Variants in NCAM2 observed in about 807,000 individuals in gnomAD.
The protein encoded by NCAM2 is N-CAM-2.
In NCAM2, 30 loss-of-function variants were observed where a neutral mutation model predicts 98.1. The observed-to-expected ratio is 0.31, with a 90% CI of 0.23 to 0.41. NCAM2 has a LOEUF of 0.41. Among genes scored for constraint, NCAM2 ranks in the 10% least tolerant of loss-of-function variants. The probability of loss-of-function intolerance (pLI) is 1.00; values close to 1 mark genes in which losing one functional copy is unlikely to be tolerated. For missense variants in NCAM2, 867 were observed against 1,005.8 expected, an observed-to-expected ratio of 0.86 and a Z score of 1.87; for synonymous variants, 368 against 342.4, an observed-to-expected ratio of 1.07 and a Z score of -0.83.
At chr21:21,403,493 C>A (rs2076675103) in intron 9 of NCAM2, among the ~76,000 whole-genome samples, 1 of 152,102 alleles carries the variant, frequency 6.6e-6, no homozygotes, top group African/African-American at 2.4e-5. Context: ...CTTTTTCCTC[C>A]ACAAACTCTC....
chr21:21,130,107 A>G (rs1369436847), intron 1 of NCAM2, among the ~76,000 whole-genome samples: 1 of 152,200 alleles, frequency 6.6e-6, no homozygotes, highest in Admixed American at 6.5e-5. Flanking sequence ...AGAAAAAAAT[A>G]AATGTATAAA....
At position 21,320,226 on chromosome 21, in the gene NCAM2, G is replaced by A. The variant is rs1601964324; in HGVS notation, c.620-4157G>A. On this transcript the variant is annotated intron_variant, in intron 5 of 17. Transcript: ENST00000400546. Reference sequence around the variant, plus strand: ...TATTGATTAGATTTTGTAACAAGACGGATATACCAAATCAGTTGACACTGA... The same window carrying A: ...TATTGATTAGATTTTGTAACAAGACAGATATACCAAATCAGTTGACACTGA... Among the ~76,000 whole-genome samples the A allele has an allele frequency of 2.0e-5, 3 of 152,062 alleles. No homozygotes were observed. In the South Asian group the frequency reaches 6.2e-4, roughly 31 times the overall value.
At chr21:21,323,669 A>G (rs890438750) in intron 5 of NCAM2, among the ~76,000 whole-genome samples, 3 of 152,166 alleles carry the variant, frequency 2.0e-5, no homozygotes, top group Admixed American at 1.3e-4. Context: ...CATGTTCCAA[A>G]TGTGCAGCAT....
chr21:21,363,051 T>G (rs1568980414), intron 8 of NCAM2, among the ~76,000 whole-genome samples: 1 of 152,132 alleles, frequency 6.6e-6, no homozygotes, highest in Non-Finnish European at 1.5e-5. Flanking sequence ...TATATTAAAT[T>G]TTTAGTAGCA....
chr21:21,513,076 T>G (rs2146366268), intron 16 of NCAM2, among the ~76,000 whole-genome samples: 1 of 152,250 alleles, frequency 6.6e-6, no homozygotes, highest in African/African-American at 2.4e-5. Context: ...ATTTTATTTC[T>G]TTATCTTTCT....
chr21:21,140,290 A>G (rs2067139799), intron 1 of NCAM2, among the ~76,000 whole-genome samples: 1 of 152,162 alleles, frequency 6.6e-6, no homozygotes, highest in South Asian at 2.1e-4. Flanking sequence ...AAGACAAATA[A>G]TTGCATCCTT....
At chr21:21,171,124 A>T (rs1357457638) in intron 1 of NCAM2, among the ~76,000 whole-genome samples, 1 of 152,206 alleles carries the variant, frequency 6.6e-6, no homozygotes, top group Non-Finnish European at 1.5e-5. Flanking sequence ...GCCATGCATT[A>T]AACATTGGCT....
chr21:21,202,887 A>G (rs530283803), intron 1 of NCAM2, among the ~76,000 whole-genome samples: 4 of 152,308 alleles, frequency 2.6e-5, no homozygotes, highest in South Asian at 4.2e-4. Flanking sequence ...TTATCAATGT[A>G]GGATGGATGA....
rs796784161 is a variant in NCAM2 at position 21,115,989 on chromosome 21, G to GTGTGTGTGTC, written c.55+117374_55+117375insGTGTGTCTGT. On this transcript the variant is annotated intron_variant, in intron 1 of 17. Coordinates refer to ENST00000400546, the MANE Select transcript of NCAM2 (RefSeq NM_004540.5). ...TGTGTGTGTGTGTGTGTGTGTGTGTGTGTCTGTCTGTCTTTCATGCTGAGA... is the reference window on the plus strand; with the variant it reads ...TGTGTGTGTGTGTGTGTGTGTGTGTGTGTGTGTGTCTGTCTGTCTGTCTTTCATGCTGAGA... 5.0e-3 allele frequency among the ~76,000 whole-genome samples: 654 copies of GTGTGTGTGTC among 130,662 alleles called. 3 individuals are homozygous for GTGTGTGTGTC. Among genetic ancestry groups the GTGTGTGTGTC allele is most frequent in the Middle Eastern group, 0.028 (7 of 248 alleles). 85.7% of individuals were successfully genotyped at this position (130,662 alleles called of 152,430 possible).
At chr21:21,018,984 G>T (rs530401208) in intron 1 of NCAM2, among the ~76,000 whole-genome samples, 6 of 152,184 alleles carry the variant, frequency 3.9e-5, no homozygotes, top group Non-Finnish European at 8.8e-5. Flanking sequence ...CACGTGGTTG[G>T]TCATTGAAGT....
intron 9 of NCAM2, among the ~76,000 whole-genome samples, chr21:21,391,022 A>G (rs971593061): frequency 2.6e-5 from 4 of 152,178 alleles, no homozygotes; most frequent in African/African-American, 9.7e-5. Flanking sequence ...GTATTTCTGT[A>G]TATTCGTTTA....
chr21:21,411,015 A>AT (rs1353618920), intron 10 of NCAM2, among the ~76,000 whole-genome samples: 885 of 65,834 alleles, frequency 0.013, 39 homozygotes, highest in African/African-American at 0.044. Flanking sequence ...TAAAAAAAAA[A>AT]ATATATATAT....
At chr21:21,134,398 T>A (rs1259562587) in intron 1 of NCAM2, among the ~76,000 whole-genome samples, 1 of 152,032 alleles carries the variant, frequency 6.6e-6, no homozygotes, top group Non-Finnish European at 1.5e-5. Context: ...GCTTCTTAAC[T>A]ACCTCAGAAG....
At chr21:21,200,446 T>C (rs2069171391) in intron 1 of NCAM2, among the ~76,000 whole-genome samples, 1 of 150,724 alleles carries the variant, frequency 6.6e-6, no homozygotes, top group South Asian at 2.1e-4. Flanking sequence ...CTTTATTGTA[T>C]TTCATTAACA....
Position 21,335,597 on chromosome 21 carries a change from G to T in NCAM2, c.830G>T (p.Gly277Val). The T allele has an allele frequency of 6.2e-7, 1 of 1,611,800 alleles. No homozygotes were observed. The highest frequency in any genetic ancestry group is 1.3e-5 in the African/African-American group (1 of 74,832). ...TVRNIINSDG[G>V]PYVCRATNKA... Reference sequence around the variant, plus strand: ...AGGAACATAATCAATAGTGATGGTGGTCCTTATGTCTGCAGGGCCACAAAT... The same window carrying T: ...AGGAACATAATCAATAGTGATGGTGTTCCTTATGTCTGCAGGGCCACAAAT... The change falls in exon 7 of 18, where the codon GGT becomes GTT. Residue 277 changes from glycine (G) to valine (V), a missense_variant. By Grantham distance (109) the Gly-to-Val change is moderately radical. Transcript: ENST00000400546.
intron 1 of NCAM2, among the ~76,000 whole-genome samples, chr21:21,065,159 G>A (rs1488088496): frequency 5.9e-5 from 9 of 151,664 alleles, no homozygotes; most frequent in Non-Finnish European, 1.2e-4. Flanking sequence ...CAGCCTGTGC[G>A]ACAGAGTAAG....
chr21:21,337,987 G>A (rs4818614), intron 7 of NCAM2, among the ~76,000 whole-genome samples: 151,223 of 152,188 alleles, frequency 0.99, 75,141 homozygotes, highest in Non-Finnish European at 1. Flanking sequence ...ATTCATGTGT[G>A]TGTATGTGTA....
intron 15 of NCAM2, among the ~76,000 whole-genome samples, chr21:21,478,273 G>T (rs1293835544): frequency 6.6e-6 from 1 of 151,914 alleles, no homozygotes; most frequent in African/African-American, 2.4e-5. Context: ...ATTTTATGCA[G>T]ACATGTACAG....
At chr21:21,285,279 T>G (rs1188241658) in intron 3 of NCAM2, among the ~76,000 whole-genome samples, 1 of 151,818 alleles carries the variant, frequency 6.6e-6, no homozygotes, top group Non-Finnish European at 1.5e-5. Flanking sequence ...TATCTGTAGC[T>G]TTGTGTTTTG....
Sources: allele counts gnomAD v4.1 joint callset (sites outside exome capture counted in the v4.1 genomes callset), GRCh38; gene constraint gnomAD v4.1.1; transcripts MANE v1.5; gene names NCBI Gene and HGNC (gene_info 2026-07-23, HGNC 2026-07-21).